The following LY75 variants were observed in gnomAD, a reference collection of about 807,000 sequenced individuals.
The protein encoded by LY75 is lymphocyte antigen 75.
A neutral mutation model predicts 231.7 loss-of-function variants in LY75; 185 were observed. The ratio of observed to expected loss-of-function variants is 0.80; its 90% confidence interval spans 0.71 to 0.90. The LOEUF (loss-of-function observed/expected upper bound fraction) is 0.90. LY75 is among the 40% of genes least tolerant of loss of function. The probability of loss-of-function intolerance (pLI) is 0.00; values close to 1 mark genes in which losing one functional copy is unlikely to be tolerated. For missense variants in LY75, 1,947 were observed against 2,050.2 expected (o/e 0.95, Z 0.97); for synonymous variants, 668 against 689.0 (o/e 0.97, Z 0.48).
chr2:159,883,289 AAAAAG>A (rs1487525883), intron 6 of LY75, among the ~76,000 whole-genome samples: 18 of 139,518 alleles, frequency 1.3e-4, no homozygotes, highest in African/African-American at 5.1e-4. Context: ...AATTAAAAAA[AAAAAG>A]AAAAAAAAAT....
chr2:159,805,238 G>A lies in LY75; in HGVS notation c.4991-16C>T, dbSNP rs764852425. ...TAATCAGGGCCTGGAACAGGAAAAG[G>A]TTTGATGTTGGAGGAGAGAATACAA... On this transcript the variant is annotated splice_polypyrimidine_tract_variant and intron_variant, in intron 34 of 34. Coordinates refer to ENST00000263636, the MANE Select transcript of LY75 (RefSeq NM_002349.4). 1.9e-6 allele frequency: 3 copies of A among 1,605,702 alleles called. No homozygotes were observed. The highest frequency in any genetic ancestry group is 2.2e-5 in the South Asian group (2 of 90,528).
At chr2:159,816,765 A>T (rs748230885) in intron 30 of LY75, 41 bp downstream of exon 30, 1 of 1,605,574 alleles carries the variant, frequency 6.2e-7, no homozygotes, top group African/African-American at 1.3e-5. Flanking sequence ...CCCTCAAAAT[A>T]ACACATTTGA....
intron 27 of LY75, 89 bp downstream of exon 27, chr2:159,833,955 G>A: frequency 7.0e-7 from 1 of 1,424,750 alleles, no homozygotes; most frequent in Non-Finnish European, 9.3e-7. Flanking sequence ...GTGGAACTGT[G>A]AGGCCATTAA....
chr2:159,814,991 A>G (rs76018532), intron 31 of LY75, among the ~76,000 whole-genome samples: 2,221 of 145,912 alleles, frequency 0.015, 44 homozygotes, highest in African/African-American at 0.051. Flanking sequence ...TTATTTGTGA[A>G]TACATCTTTT....
chr2:159,821,301 A>G (rs536653676), intron 28 of LY75, among the ~76,000 whole-genome samples: 1 of 152,182 alleles, frequency 6.6e-6, no homozygotes, highest in East Asian at 1.9e-4. Flanking sequence ...TATAAGCGCT[A>G]CAGCTATAAA....
intron 34 of LY75, 123 bp from the exon 35 acceptor site, chr2:159,805,345 G>GATTGTTTCATAGCGCTAACATAGA: frequency 1.6e-6 from 1 of 616,898 alleles, no homozygotes; most frequent in Non-Finnish European, 2.8e-6. Context: ...TAATAAATCT[G>GATTGTTTCATAGCGCTAACATAGA]ATTGTTTCAT....
intron 5 of LY75, among the ~76,000 whole-genome samples, chr2:159,885,874 T>C (rs895950077): frequency 6.6e-6 from 1 of 152,186 alleles, no homozygotes; most frequent in Non-Finnish European, 1.5e-5. Flanking sequence ...GATTTTATTT[T>C]TCAAAGTTGT....
At chr2:159,875,274 A>C (rs1028049056) in intron 12 of LY75, among the ~76,000 whole-genome samples, 170 bp downstream of exon 12, 1 of 151,944 alleles carries the variant, frequency 6.6e-6, no homozygotes, top group Non-Finnish European at 1.5e-5. Flanking sequence ...TGTGGGGCTG[A>C]GGCACCTCAC....
At chr2:159,807,436 G>T (rs1451146236) in intron 33 of LY75, among the ~76,000 whole-genome samples, 1 of 152,184 alleles carries the variant, frequency 6.6e-6, no homozygotes, top group Non-Finnish European at 1.5e-5. Context: ...TGGTGTTTCC[G>T]TTAAAGTGCA....
intron 20 of LY75, 80 bp from the exon 21 acceptor site, chr2:159,852,420 T>TG (rs1173588841): frequency 1.9e-5 from 26 of 1,397,876 alleles, no homozygotes; most frequent in East Asian, 2.5e-5. Context: ...GTGTTTTTTT[T>TG]TGTTTTTTTT....
Position 159,893,977 on chromosome 2 carries a change from G to A in LY75, c.574C>T (p.Pro192Ser). 3 of 1,613,822 alleles carry A rather than the reference G, an allele frequency of 1.9e-6. No individual in the cohort carries two copies. Among genetic ancestry groups the A allele is most frequent in the Non-Finnish European group, 2.5e-6 (3 of 1,179,850 alleles). The change falls in exon 3 of 35, where the codon CCA becomes TCA. Residue 192 changes from proline to serine, a missense_variant. Coordinates refer to ENST00000263636, the MANE Select transcript of LY75 (RefSeq NM_002349.4). ...DCILDEDHSG[P>S]WCATTLNYEY... ...TAATTTAAGGTGGTGGCACACCATG[G>A]CCCACTATGATCTTCATCAAGAATG...
At chr2:159,842,210 T>C in intron 24 of LY75, 35 bp downstream of exon 24, 1 of 1,593,022 alleles carries the variant, frequency 6.3e-7, no homozygotes. Context: ...TGTAATAGCA[T>C]AAAGTACCAT....
At position 159,816,108 on chromosome 2, in the gene LY75, A is replaced by T. The variant is rs568535225; in HGVS notation, c.4381-535T>A. On this transcript the variant is annotated intron_variant, in intron 30 of 34. Transcript: ENST00000263636. The stretch of plus-strand genomic sequence containing the variant: ...TATAATCTTAACTTGCCATGCTTTT[A>T]AAAAAAAATCTTCCCCACTCTGTTC... 1.3e-3 allele frequency among the ~76,000 whole-genome samples: 192 copies of T among 151,814 alleles called. 1 individual carries two copies. The highest frequency in any genetic ancestry group is 2.1e-3 in the Non-Finnish European group (144 of 67,868).
chr2:159,809,673 A>T (rs951935977), intron 32 of LY75, among the ~76,000 whole-genome samples: 9 of 150,840 alleles, frequency 6.0e-5, no homozygotes, highest in Admixed American at 2.0e-4. Context: ...TTTATTATTT[A>T]TTTTATTTAT....
At chr2:159,870,712 A>G (rs954516757) in intron 13 of LY75, among the ~76,000 whole-genome samples, 2 of 147,278 alleles carry the variant, frequency 1.4e-5, no homozygotes, top group African/African-American at 5.0e-5. Context: ...GGGTCTCCCT[A>G]TGCTACCCAG....
At chr2:159,869,788 A>G (rs1244243838) in intron 13 of LY75, among the ~76,000 whole-genome samples, 1 of 152,240 alleles carries the variant, frequency 6.6e-6, no homozygotes, top group Non-Finnish European at 1.5e-5. Context: ...AACACGTTGT[A>G]TAAAATGTTT....
Position 159,815,530 on chromosome 2 carries a change from T to G in LY75, c.4424A>C (p.Asp1475Ala). ...SFEWSDGSTF[D>A]YIPWKGQTSP... Reference sequence around the variant, plus strand: ...TGTTTGGCCTTTCCATGGGATATAGTCAAATGTACTACCATCAGACCATTC... The same window carrying G: ...TGTTTGGCCTTTCCATGGGATATAGGCAAATGTACTACCATCAGACCATTC... The change falls in exon 31 of 35, where the codon GAC becomes GCC. Residue 1475 changes from aspartate (D) to alanine (A), a missense_variant. Asp to Ala is a moderately radical substitution (Grantham distance 126). Transcript: ENST00000263636. The G allele has an allele frequency of 6.2e-7, 1 of 1,613,870 alleles. No homozygotes were observed. The highest frequency in any genetic ancestry group is 1.1e-5 in the South Asian group (1 of 91,064).
chr2:159,904,624 C>A lies in LY75; in HGVS notation c.59G>T (p.Trp20Leu). 2 of 1,506,474 alleles carry A rather than the reference C, an allele frequency of 1.3e-6. No individual in the cohort carries two copies. Among genetic ancestry groups the A allele is most frequent in the Non-Finnish European group, 1.8e-6 (2 of 1,130,784 alleles). 93.3% of individuals were successfully genotyped at this position (1,506,474 alleles called of 1,614,324 possible). ...AGAGGGCTCCGCGAGATCGAAGAACCAGAAGAGCAGCATGAGGAGCCCCGC... is the reference window on the plus strand; with the variant it reads ...AGAGGGCTCCGCGAGATCGAAGAACAAGAAGAGCAGCATGAGGAGCCCCGC... ...RPAGLLMLLF[W>L]FFDLAEPSGR... Residue 20 changes from tryptophan (W) to leucine (L), a missense_variant, in exon 1 of 35, where the codon TGG becomes TTG. Trp to Leu is a moderately conservative substitution (Grantham distance 61). Coordinates refer to ENST00000263636, the MANE Select transcript of LY75 (RefSeq NM_002349.4).
intron 31 of LY75, among the ~76,000 whole-genome samples, chr2:159,811,797 C>A (rs527349007): frequency 1.7e-3 from 259 of 152,262 alleles, no homozygotes; most frequent in African/African-American, 6.1e-3. Context: ...GCTTTTGCCT[C>A]CATTCTTCTC....
Sources: gnomAD v4.1 joint callset for allele counts (sites outside exome capture counted in the v4.1 genomes callset) on GRCh38, gnomAD v4.1.1 for gene constraint, MANE v1.5 for transcripts, NCBI Gene and HGNC (gene_info 2026-07-23, HGNC 2026-07-21) for gene names.